The following TSC22D1 variants were observed in gnomAD, a reference collection of about 807,000 sequenced individuals.
TSC22D1 encodes TSC22 domain family protein 1.
In TSC22D1, 9 loss-of-function variants were observed where a neutral mutation model predicts 74.2. The observed-to-expected ratio is 0.12, with a 90% CI of 0.07 to 0.21. TSC22D1 has a LOEUF of 0.21. TSC22D1 is among the 10% of genes least tolerant of loss of function. The pLI is 1.00. For missense variants in TSC22D1, 1,427 were observed against 1,304.7 expected (o/e 1.09, Z -1.44); for synonymous variants, 586 against 492.5 (o/e 1.19, Z -2.51).
At chr13:44,557,317 T>C (rs1375190796) in intron 1 of TSC22D1, among the ~76,000 whole-genome samples, 1 of 145,048 alleles carries the variant, frequency 6.9e-6, no homozygotes, top group East Asian at 2.1e-4. Context: ...AAAAATTAGC[T>C]GGGCATGGTG....
intron 1 of TSC22D1, among the ~76,000 whole-genome samples, chr13:44,471,767 T>G (rs1173357910): frequency 6.6e-6 from 1 of 152,230 alleles, no homozygotes; most frequent in Non-Finnish European, 1.5e-5. Context: ...AAGCTTATCC[T>G]GTGAAAATAT....
chr13:44,506,747 T>C (rs1370921566), intron 1 of TSC22D1, among the ~76,000 whole-genome samples: 2 of 152,154 alleles, frequency 1.3e-5, no homozygotes, highest in African/African-American at 4.8e-5. Flanking sequence ...ATGGAAAAGA[T>C]GGAAGTGGGC....
intron 1 of TSC22D1, among the ~76,000 whole-genome samples, chr13:44,467,660 T>A (rs1877367449): frequency 6.6e-6 from 1 of 152,050 alleles, no homozygotes; most frequent in Non-Finnish European, 1.5e-5. Flanking sequence ...ACATCACTAA[T>A]CATCAGGGAA....
intron 1 of TSC22D1, among the ~76,000 whole-genome samples, chr13:44,504,953 T>C (rs1381617881): frequency 6.6e-6 from 1 of 152,234 alleles, no homozygotes; most frequent in Non-Finnish European, 1.5e-5. Flanking sequence ...ACATCATGAC[T>C]GGATCTACTC....
Position 44,530,123 on chromosome 13 carries a change from C to A in TSC22D1, c.2912+43040G>T, listed in dbSNP as rs538962630. 3.9e-5 allele frequency among the ~76,000 whole-genome samples: 6 copies of A among 152,092 alleles called. No individual in the cohort carries two copies. In the East Asian group the frequency reaches 1.2e-3, roughly 29 times the overall value. On this transcript the variant is annotated intron_variant, in intron 1 of 2. Transcript: ENST00000458659. ...AAATGGCCAACACGATACCGAAGAA[C>A]CAAGTCAGAGGATTTACACTCTCCA...
At chr13:44,538,068 T>A in intron 1 of TSC22D1, 5 of 985,338 alleles carry the variant, frequency 5.1e-6, no homozygotes, top group Non-Finnish European at 6.0e-6. Context: ...CTTGGATAAA[T>A]AACTATTTTG....
In TSC22D1 at chr13:44,573,601, G is replaced by T; in HGVS notation, c.2474C>A (p.Pro825His). ...TGTAACAGAAATACTACTAGCAGAG[G>T]GCAAAGAACTAACTGCAGGCAACTG... ...SQQLPAVSSL[P>H]SASSISVTSQ... The change falls in exon 1 of 3, where the codon CCC (proline) becomes CAC (histidine). Residue 825 changes from proline to histidine, a missense_variant. Physicochemically the swap from Pro to His is moderately conservative, Grantham distance 77. This residue lies in a region of TSC22D1 where 1,343 missense variants were observed against 1,191.5 expected (regional missense o/e 1.13). Transcript: ENST00000458659. 1.2e-6 allele frequency: 2 copies of T among 1,614,220 alleles called. No homozygotes were observed. Among genetic ancestry groups the T allele is most frequent in the Non-Finnish European group, 1.7e-6 (2 of 1,180,050 alleles).
intron 1 of TSC22D1, among the ~76,000 whole-genome samples, chr13:44,529,065 A>G (rs905915907): frequency 3.3e-5 from 5 of 152,146 alleles, no homozygotes; most frequent in Non-Finnish European, 7.4e-5. Flanking sequence ...AAGCAGAAAC[A>G]GTAAACAATT....
intron 1 of TSC22D1, among the ~76,000 whole-genome samples, chr13:44,442,523 AGAT>A (rs1875282442): frequency 6.6e-6 from 1 of 152,246 alleles, no homozygotes; most frequent in African/African-American, 2.4e-5. Context: ...AAAATACACT[AGAT>A]GAGATTAACA....
At chr13:44,495,702 T>C (rs1170912532) in intron 1 of TSC22D1, among the ~76,000 whole-genome samples, 2 of 152,096 alleles carry the variant, frequency 1.3e-5, no homozygotes. Context: ...TATAAACACC[T>C]ACATCTACAA....
intron 1 of TSC22D1, among the ~76,000 whole-genome samples, chr13:44,443,004 T>C (rs1028549765): frequency 3.5e-4 from 47 of 134,472 alleles, no homozygotes; most frequent in African/African-American, 1.2e-3. Context: ...CAACCAAATA[T>C]ATCTGTAGTG....
rs563165833 is a variant in TSC22D1 at position 44,574,158 on chromosome 13, C to T, written c.1917G>A (p.Gln639=). 2.4e-5 allele frequency: 39 copies of T among 1,614,228 alleles called. No homozygotes were observed. The Admixed American group carries it at 4.7e-4, about 19-fold the overall frequency. ...CTGATTTGACATGGCCTGGGGCCAT[C>T]TGTGTAGAAACCATTGGTTGCTGTT... is the stretch of plus-strand genomic sequence containing the variant. ...YGQQQPMVST[Q]MAPGHVKSVT... is the part of the protein sequence containing the mutation. Residue 639 remains glutamine (Q), a synonymous_variant, in exon 1 of 3, where the codon CAG becomes CAA. Transcript: ENST00000458659.
chr13:44,436,291 T>G (rs1874617788), intron 1 of TSC22D1, 196 bp from the exon 2 acceptor site: 1 of 894,558 alleles, frequency 1.1e-6, no homozygotes, highest in Non-Finnish European at 1.7e-6. Flanking sequence ...CCTATTTTAG[T>G]AAGCCACAAA....
intron 1 of TSC22D1, among the ~76,000 whole-genome samples, chr13:44,552,784 C>T (rs1055530586): frequency 6.6e-6 from 1 of 152,070 alleles, no homozygotes; most frequent in Non-Finnish European, 1.5e-5. Flanking sequence ...GTTAGGAGAT[C>T]GAGACCATCC....
intron 1 of TSC22D1, among the ~76,000 whole-genome samples, chr13:44,552,757 G>A (rs1344935733): frequency 1.3e-5 from 2 of 152,216 alleles, no homozygotes; most frequent in African/African-American, 2.4e-5. Flanking sequence ...GGGAGGCCGA[G>A]GCAGGCGGAT....
chr13:44,573,444 C>G lies in TSC22D1; in HGVS notation c.2631G>C (p.Leu877Phe). 6.2e-7 allele frequency: 1 copy of G among 1,614,230 alleles called. No individual in the cohort carries two copies. Among genetic ancestry groups the G allele is most frequent in the Non-Finnish European group, 8.5e-7 (1 of 1,180,048 alleles). Residue 877 changes from leucine to phenylalanine, a missense_variant, in exon 1 of 3, where the codon TTG becomes TTC. Physicochemically the swap from Leu to Phe is conservative, Grantham distance 22. Transcript: ENST00000458659. ...NLVQSVSQPP[L>F]IATNTNLPLA... The stretch of plus-strand genomic sequence containing the variant: ...AAGGCAAATTTGTATTAGTTGCTAT[C>G]AAGGGAGGTTGACTAACACTTTGAA...
At chr13:44,479,703 A>G (rs1046453545) in intron 1 of TSC22D1, among the ~76,000 whole-genome samples, 6 of 152,182 alleles carry the variant, frequency 3.9e-5, no homozygotes, top group Admixed American at 3.9e-4. Context: ...AAATGAGACA[A>G]CTCATCACCT....
chr13:44,496,163 G>T (rs533497543), intron 1 of TSC22D1, among the ~76,000 whole-genome samples: 1 of 152,246 alleles, frequency 6.6e-6, no homozygotes, highest in Admixed American at 6.5e-5. Flanking sequence ...GACCTTTTGG[G>T]TATACACCTG....
At chr13:44,555,714 G>C (rs1882595411) in intron 1 of TSC22D1, among the ~76,000 whole-genome samples, 1 of 151,752 alleles carries the variant, frequency 6.6e-6, no homozygotes. Context: ...ACCCACCCAT[G>C]CAAGATAGGT....
Sources: allele counts gnomAD v4.1 joint callset (sites outside exome capture counted in the v4.1 genomes callset), GRCh38; gene constraint gnomAD v4.1.1; regional missense constraint gnomAD v4.1.1; transcripts MANE v1.5; gene names NCBI Gene and HGNC (gene_info 2026-07-23, HGNC 2026-07-21).